SYNE3: variants seen among roughly 807,000 people sequenced by gnomAD.
The protein encoded by SYNE3 is spectrin repeat containing nuclear envelope family member 3.
In SYNE3, 100 loss-of-function variants were observed where a neutral mutation model predicts 111.2. The ratio of observed to expected loss-of-function variants is 0.90; its 90% CI spans 0.77 to 1.06. The LOEUF (loss-of-function observed/expected upper bound fraction) is 1.06, where lower values mean the gene tolerates loss of function less well. Among genes scored for constraint, SYNE3 ranks in the 50% least tolerant of loss-of-function variants. The probability of loss-of-function intolerance (pLI) is 0.00; values close to 1 mark genes in which losing one functional copy is unlikely to be tolerated. For synonymous variants in SYNE3, 547 were observed against 533.9 expected (o/e 1.02, Z -0.34); for missense variants, 1,160 against 1,240.3 (o/e 0.94, Z 0.97).
At chr14:95,420,827 A>T (rs776515282) in intron 17 of SYNE3, among the ~76,000 whole-genome samples, 1 of 151,264 alleles carries the variant, frequency 6.6e-6, no homozygotes, top group Non-Finnish European at 1.5e-5. Flanking sequence ...GGGCTTCCTC[A>T]GGAAGTTATA....
chr14:95,474,218 T>A (rs190307489), intron 2 of SYNE3, among the ~76,000 whole-genome samples: 53 of 152,330 alleles, frequency 3.5e-4, no homozygotes, highest in African/African-American at 1.2e-3. Context: ...GTGGTGCAGA[T>A]AGTGGGGGAC....
At chr14:95,430,123 C>A (rs188207987) in intron 17 of SYNE3, among the ~76,000 whole-genome samples, 1 of 152,294 alleles carries the variant, frequency 6.6e-6, no homozygotes, top group Non-Finnish European at 1.5e-5. Flanking sequence ...CTGGTGTTAG[C>A]CAGCAAATGT....
intron 16 of SYNE3, among the ~76,000 whole-genome samples, chr14:95,432,805 C>T (rs1367324564): frequency 3.7e-4 from 57 of 152,072 alleles, no homozygotes; most frequent in East Asian, 5.8e-4. Context: ...CCCCAGGTCA[C>T]GCCTACAACA....
chr14:95,502,145 G>C (rs1398280633), intron 1 of SYNE3, among the ~76,000 whole-genome samples: 1 of 152,160 alleles, frequency 6.6e-6, no homozygotes, highest in East Asian at 1.9e-4. Context: ...TTTTAACCTT[G>C]AAAGTCCCAA....
intron 1 of SYNE3, among the ~76,000 whole-genome samples, chr14:95,480,920 G>C (rs1424406557): frequency 1.3e-5 from 2 of 152,244 alleles, no homozygotes; most frequent in Non-Finnish European, 2.9e-5. Flanking sequence ...AGCAGCAGAA[G>C]GGGAGTAGCG....
chr14:95,461,489 C>A (rs967430588), intron 4 of SYNE3, among the ~76,000 whole-genome samples: 2 of 152,244 alleles, frequency 1.3e-5, no homozygotes, highest in Non-Finnish European at 2.9e-5. Context: ...AAGAATCTCC[C>A]TCTAGCAGGT....
intron 1 of SYNE3, among the ~76,000 whole-genome samples, chr14:95,487,973 C>G (rs755652323): frequency 6.6e-5 from 10 of 152,066 alleles, no homozygotes; most frequent in African/African-American, 1.4e-4. Context: ...GGATGAAGAA[C>G]TTTATGATGA....
intron 4 of SYNE3, among the ~76,000 whole-genome samples, chr14:95,459,491 A>C (rs1320370680): frequency 6.6e-6 from 1 of 152,068 alleles, no homozygotes; most frequent in Non-Finnish European, 1.5e-5. Context: ...AATGGGCTGG[A>C]TGTGGTGTCT....
At chr14:95,426,312 A>G (rs1885425186) in intron 17 of SYNE3, among the ~76,000 whole-genome samples, 1 of 152,184 alleles carries the variant, frequency 6.6e-6, no homozygotes, top group Non-Finnish European at 1.5e-5. Context: ...CAGAGACTGC[A>G]TGGCCCTAGC....
At position 95,414,799 on chromosome 14, in the gene SYNE3, TAA is replaced by T; in HGVS notation, c.*3025_*3026del. 1 of 151,440 alleles carries T rather than the reference TAA, an allele frequency of 6.6e-6. No homozygotes were observed. The highest frequency in any genetic ancestry group is 2.1e-4 in the South Asian group (1 of 4,808). 9.4% of individuals were successfully genotyped at this position (151,440 alleles called of 1,614,324 possible). A position where few individuals can be genotyped will look rare whatever the true frequency, so the allele number is the denominator to read the frequency against. ...CATGGCTGTTAAAGAGGCTGGAAAC[TAA>T]AGTCATAAGAATAATTGCCTGGCTC... On this transcript the variant is annotated 3_prime_UTR_variant, in exon 18 of 18. Coordinates refer to ENST00000682763, the MANE Select transcript of SYNE3 (RefSeq NM_152592.6).
chr14:95,478,157 G>A (rs915211065), intron 1 of SYNE3, among the ~76,000 whole-genome samples: 3 of 152,222 alleles, frequency 2.0e-5, no homozygotes, highest in South Asian at 2.1e-4. Context: ...TGGGCTGGGC[G>A]AGGCTGCAGG....
chr14:95,451,629 T>C (rs1887084631), intron 7 of SYNE3: 1 of 152,230 alleles, frequency 6.6e-6, no homozygotes, highest in African/African-American at 2.4e-5. Flanking sequence ...GAGCTCCCTT[T>C]GTTCATTCTG....
intron 17 of SYNE3, among the ~76,000 whole-genome samples, chr14:95,418,301 A>G (rs1013382125): frequency 6.6e-6 from 1 of 152,226 alleles, no homozygotes; most frequent in South Asian, 2.1e-4. Flanking sequence ...TGCCTGGTGT[A>G]GCAGAGTGCT....
intron 1 of SYNE3, among the ~76,000 whole-genome samples, chr14:95,498,248 T>C (rs2139590442): frequency 6.6e-6 from 1 of 152,308 alleles, no homozygotes; most frequent in Non-Finnish European, 1.5e-5. Flanking sequence ...TGGAGTGTAG[T>C]GGCATAATCT....
chr14:95,414,079 G>A lies in SYNE3; in HGVS notation c.*3747C>T, dbSNP rs1040335056. Reference sequence around the variant, plus strand: ...CATTTGGATGCTCCGCTCTGGCCATGTCCCAGGCGAGCTGATGGGCAGAGA... The same window carrying A: ...CATTTGGATGCTCCGCTCTGGCCATATCCCAGGCGAGCTGATGGGCAGAGA... On this transcript the variant is annotated 3_prime_UTR_variant, in exon 18 of 18. Coordinates refer to ENST00000682763, the MANE Select transcript of SYNE3 (RefSeq NM_152592.6). The A allele has an allele frequency of 6.6e-6, 1 of 152,288 alleles. No individual in the cohort carries two copies. Among genetic ancestry groups the A allele is most frequent in the Admixed American group, 6.5e-5 (1 of 15,286 alleles). 9.4% of individuals were successfully genotyped at this position (152,288 alleles called of 1,614,324 possible). A position where few individuals can be genotyped will look rare whatever the true frequency, so the allele number is the denominator to read the frequency against.
In SYNE3 at chr14:95,462,142, C is replaced by T. The variant is rs192568051; in HGVS notation, c.627+3789G>A. Among the ~76,000 whole-genome samples, 190 of 152,312 alleles carry T rather than the reference C, an allele frequency of 1.2e-3. 1 individual carries two copies. The highest frequency in any genetic ancestry group is 4.4e-3 in the African/African-American group (182 of 41,564). On this transcript the variant is annotated intron_variant, in intron 4 of 17. Coordinates refer to ENST00000682763, the MANE Select transcript of SYNE3 (RefSeq NM_152592.6). ...GAATCTGGTGGATGCTATAGCTCCTCGCCCCATAGAAATGCACACTCATAC... is the reference window on the plus strand; with the variant it reads ...GAATCTGGTGGATGCTATAGCTCCTTGCCCCATAGAAATGCACACTCATAC...
intron 1 of SYNE3, among the ~76,000 whole-genome samples, chr14:95,507,098 A>G (rs1890556664): frequency 6.6e-6 from 1 of 152,202 alleles, no homozygotes; most frequent in African/African-American, 2.4e-5. Flanking sequence ...TACAGCAAAG[A>G]GAGTTGAGGC....
In SYNE3 at chr14:95,417,542, AC is replaced by A. The variant is rs1387251891; in HGVS notation, c.*283del. On this transcript the variant is annotated 3_prime_UTR_variant, in exon 18 of 18. Coordinates refer to ENST00000682763, the MANE Select transcript of SYNE3 (RefSeq NM_152592.6). ...AGGAATTTTCCCAACTCCAAATAGA[AC>A]TCGTATATGAAATTATACATACTGA... 1 of 447,414 alleles carries A rather than the reference AC, an allele frequency of 2.2e-6. No homozygotes were observed. The highest frequency in any genetic ancestry group is 3.5e-5 in the Admixed American group (1 of 28,808). 27.7% of individuals were successfully genotyped at this position (447,414 alleles called of 1,614,324 possible).
chr14:95,466,325 A>G (rs779971914), intron 3 of SYNE3, 85 bp from the exon 4 acceptor site: 208 of 1,426,314 alleles, frequency 1.5e-4, no homozygotes, highest in Non-Finnish European at 1.8e-4. Flanking sequence ...CCCCTCCCCA[A>G]TACTAGGGGG....
Sources: gnomAD v4.1 joint callset for allele counts (sites outside exome capture counted in the v4.1 genomes callset) on GRCh38, gnomAD v4.1.1 for gene constraint, MANE v1.5 for transcripts, NCBI Gene and HGNC (gene_info 2026-07-23, HGNC 2026-07-21) for gene names.